GPR141: variants seen among roughly 807,000 people sequenced by gnomAD.
GPR141 encodes probable G protein-coupled receptor 141.
GPR141 carries 6 observed loss-of-function variants against 6.8 expected under a neutral mutation model. That is an observed-to-expected ratio of 0.88 (90% CI 0.48 to 1.74). GPR141 has a LOEUF of 1.74. Among genes scored for constraint, GPR141 ranks in the 40% most tolerant of loss-of-function variants. The pLI, the probability that GPR141 is intolerant of heterozygous loss-of-function variation, is 0.01. For missense variants in GPR141, 372 were observed against 372.9 expected, an observed-to-expected ratio of 1.00 and a Z score of 0.02; for synonymous variants, 140 against 142.3, an observed-to-expected ratio of 0.98 and a Z score of 0.11.
intron 2 of GPR141, among the ~76,000 whole-genome samples, chr7:37,722,846 T>C (rs1456431407): frequency 1.3e-5 from 2 of 151,944 alleles, no homozygotes; most frequent in Admixed American, 6.6e-5. Flanking sequence ...CTAACACAGA[T>C]GCATAGAAAG....
chr7:37,716,134 C>A (rs1403074357), intron 2 of GPR141, among the ~76,000 whole-genome samples: 2 of 152,108 alleles, frequency 1.3e-5, no homozygotes, highest in African/African-American at 4.8e-5. Flanking sequence ...GCCAGGCAAA[C>A]CCAGCTGTCC....
chr7:37,702,827 T>A (rs1317340714), intron 2 of GPR141, among the ~76,000 whole-genome samples: 2 of 131,116 alleles, frequency 1.5e-5, no homozygotes, highest in Admixed American at 1.5e-4. Flanking sequence ...ATAAATAAAA[T>A]AAAAATTAAA....
intron 2 of GPR141, among the ~76,000 whole-genome samples, chr7:37,715,479 G>A (rs1450178): frequency 0.37 from 56,371 of 151,896 alleles, 10,696 homozygotes; most frequent in East Asian, 0.52. Context: ...CTTTAGATGA[G>A]GAGGAAAAGG....
chr7:37,721,234 G>A (rs1347529505), intron 2 of GPR141, among the ~76,000 whole-genome samples: 2 of 150,734 alleles, frequency 1.3e-5, no homozygotes, highest in Admixed American at 7.0e-5. Context: ...TAACTTTTCC[G>A]AGCTTCATTT....
intron 2 of GPR141, among the ~76,000 whole-genome samples, chr7:37,708,534 C>T (rs935565571): frequency 7.2e-5 from 11 of 151,958 alleles, no homozygotes; most frequent in African/African-American, 1.5e-4. Flanking sequence ...AAAATGAGTA[C>T]GCATCCTGTC....
At chr7:37,725,471 G>T (rs974120533) in intron 2 of GPR141, among the ~76,000 whole-genome samples, 1 of 152,180 alleles carries the variant, frequency 6.6e-6, no homozygotes, top group Admixed American at 6.5e-5. Flanking sequence ...TAACCAGGGA[G>T]TTTCCTGCTC....
intron 2 of GPR141, among the ~76,000 whole-genome samples, chr7:37,692,714 T>C (rs531835953): frequency 6.6e-6 from 1 of 152,368 alleles, no homozygotes; most frequent in Non-Finnish European, 1.5e-5. Flanking sequence ...TGGTATCTCA[T>C]TGTGGTTTTG....
chr7:37,741,078 T>A lies in GPR141; in HGVS notation c.685T>A (p.Phe229Ile). Residue 229 changes from phenylalanine (F) to isoleucine (I), a missense_variant, in exon 3 of 3, where the codon TTT becomes ATT. Coordinates refer to ENST00000334425, the MANE Select transcript of GPR141 (RefSeq NM_001381946.1). ...QEFWAQLKNL[F>I]FIGVILVCFL... is the part of the protein sequence containing the mutation. ...GTTCTGGGCTCAGCTGAAAAACCTA[T>A]TTTTTATAGGGGTCATCCTTGTTTG... is the stretch of plus-strand genomic sequence containing the variant. 6.2e-7 allele frequency: 1 copy of A among 1,614,050 alleles called. No individual in the cohort carries two copies. The highest frequency in any genetic ancestry group is 8.5e-7 in the Non-Finnish European group (1 of 1,179,922).
intron 2 of GPR141, among the ~76,000 whole-genome samples, chr7:37,730,475 T>C (rs1303364539): frequency 2.0e-5 from 3 of 152,230 alleles, no homozygotes; most frequent in Non-Finnish European, 4.4e-5. Flanking sequence ...ATATATCATC[T>C]AAAGCTGGCA....
intron 2 of GPR141, among the ~76,000 whole-genome samples, chr7:37,709,175 A>G (rs530563303): frequency 2.0e-5 from 3 of 152,244 alleles, no homozygotes; most frequent in Non-Finnish European, 4.4e-5. Context: ...CATCGTACAC[A>G]GAAAGAAATA....
intron 2 of GPR141, among the ~76,000 whole-genome samples, chr7:37,723,248 C>A (rs1380282201): frequency 1.3e-5 from 2 of 152,064 alleles, no homozygotes; most frequent in Non-Finnish European, 2.9e-5. Context: ...CCACCTCGGC[C>A]TCCCAAAGTG....
intron 2 of GPR141, among the ~76,000 whole-genome samples, chr7:37,718,098 C>G (rs1313353433): frequency 2.0e-5 from 3 of 151,616 alleles, no homozygotes; most frequent in African/African-American, 4.9e-5. Flanking sequence ...TTGGTGTTTA[C>G]TAGGTATCTA....
chr7:37,720,903 G>C (rs1448295394), intron 2 of GPR141, among the ~76,000 whole-genome samples: 1 of 152,100 alleles, frequency 6.6e-6, no homozygotes, highest in Non-Finnish European at 1.5e-5. Context: ...ACTTGAGTAG[G>C]CCTGTTTTAA....
rs1043154256 is a variant in GPR141 at position 37,704,894 on chromosome 7, TA to T, written c.-15+19317del. Among the ~76,000 whole-genome samples, 88 of 152,298 alleles carry T rather than the reference TA, an allele frequency of 5.8e-4. 2 individuals are homozygous for T. The highest frequency in any genetic ancestry group is 5.8e-3 in the Admixed American group (88 of 15,290). ...CATCCATGAGTTTTTAAAAGATGTT[TA>T]AAAAATGATTTTTCGCATTTTAGGG... On this transcript the variant is annotated intron_variant, in intron 2 of 2. Coordinates refer to ENST00000334425, the MANE Select transcript of GPR141 (RefSeq NM_001381946.1).
intron 2 of GPR141, among the ~76,000 whole-genome samples, chr7:37,686,162 CTT>C (rs35733762): frequency 3.2e-5 from 4 of 123,836 alleles, no homozygotes; most frequent in Non-Finnish European, 3.3e-5. Flanking sequence ...CCCTGCCTGC[CTT>C]TTTTTTTTTT....
At chr7:37,716,854 T>C (rs1488062013) in intron 2 of GPR141, among the ~76,000 whole-genome samples, 3 of 152,250 alleles carry the variant, frequency 2.0e-5, no homozygotes, top group Non-Finnish European at 4.4e-5. Flanking sequence ...ACAAAATACC[T>C]GAGCTTTCAG....
intron 2 of GPR141, among the ~76,000 whole-genome samples, chr7:37,691,617 A>G (rs139704898): frequency 6.6e-6 from 1 of 152,066 alleles, no homozygotes; most frequent in East Asian, 1.9e-4. Context: ...CTGCTGTACA[A>G]GTTAGTTTTA....
chr7:37,693,982 C>T (rs903863350), intron 2 of GPR141, among the ~76,000 whole-genome samples: 14 of 152,146 alleles, frequency 9.2e-5, no homozygotes, highest in African/African-American at 2.4e-4. Flanking sequence ...CTGGATGACC[C>T]GGGCACCATT....
chr7:37,703,176 T>C (rs1223689194), intron 2 of GPR141, among the ~76,000 whole-genome samples: 2 of 152,170 alleles, frequency 1.3e-5, no homozygotes, highest in Admixed American at 6.5e-5. Context: ...TTTTCACTCA[T>C]TTTTTTAAAG....
Sources: gnomAD v4.1 joint callset for allele counts (sites outside exome capture counted in the v4.1 genomes callset) on GRCh38, gnomAD v4.1.1 for gene constraint, MANE v1.5 for transcripts, NCBI Gene and HGNC (gene_info 2026-07-23, HGNC 2026-07-21) for gene names.